NOXRED1: variants seen among roughly 807,000 people sequenced by gnomAD.
NOXRED1 encodes NADP-dependent oxidoreductase domain-containing protein 1.
In NOXRED1, 20 loss-of-function variants were observed where a neutral mutation model predicts 30.4. The observed-to-expected ratio is 0.66, with a 90% CI of 0.46 to 0.96. The LOEUF (loss-of-function observed/expected upper bound fraction) is 0.96, where lower values mean the gene tolerates loss of function less well. Ranked by LOEUF, NOXRED1 falls within the 40% of genes least tolerant of loss-of-function variation. The probability of loss-of-function intolerance (pLI) is 0.00; values close to 1 mark genes in which losing one functional copy is unlikely to be tolerated. For missense variants in NOXRED1, 374 were observed against 428.0 expected, an observed-to-expected ratio of 0.87 and a Z score of 1.11; for synonymous variants, 155 against 168.0, an observed-to-expected ratio of 0.92 and a Z score of 0.60.
Position 77,422,878 on chromosome 14 carries a change from G to C in NOXRED1, c.12C>G (p.Leu4=). 2 of 1,611,500 alleles carry C rather than the reference G, an allele frequency of 1.2e-6. No homozygotes were observed. Among genetic ancestry groups the C allele is most frequent in the Non-Finnish European group, 1.7e-6 (2 of 1,179,178 alleles). MDM[L]QDLESLQFEY... is the part of the protein sequence containing the mutation. The stretch of plus-strand genomic sequence containing the variant: ...CAAACTGCAGGGACTCAAGGTCCTG[G>C]AGCATGTCCATTTCCAAGCCACTAT... Residue 4 remains leucine, a synonymous_variant, in exon 1 of 6, where the codon CTC becomes CTG. Transcript: ENST00000380835.
upstream of NOXRED1, among the ~76,000 whole-genome samples, chr14:77,425,840 T>TG (rs1895108578): frequency 6.6e-6 from 1 of 152,008 alleles, no homozygotes; most frequent in Non-Finnish European, 1.5e-5. Context: ...GAGAGCCATA[T>TG]TGCCTTAAGG....
At chr14:77,419,418 G>T (rs557298664) in intron 1 of NOXRED1, among the ~76,000 whole-genome samples, 1 of 144,560 alleles carries the variant, frequency 6.9e-6, no homozygotes, top group Non-Finnish European at 1.5e-5. Context: ...TAGTATTCTT[G>T]GTTGACAGGT....
chr14:77,419,835 C>T (rs1342995636), intron 1 of NOXRED1, among the ~76,000 whole-genome samples: 3 of 152,116 alleles, frequency 2.0e-5, no homozygotes, highest in African/African-American at 7.2e-5. Context: ...TGAGAAGCCA[C>T]CAATAGTCTT....
At chr14:77,403,677 CA>C (rs573066129) in intron 5 of NOXRED1, among the ~76,000 whole-genome samples, 2 of 151,784 alleles carry the variant, frequency 1.3e-5, no homozygotes, top group Non-Finnish European at 2.9e-5. Flanking sequence ...AAAATAAAAA[CA>C]AAAAAGTTAA....
At chr14:77,422,453 CATG>C (rs1895021106) in intron 1 of NOXRED1, among the ~76,000 whole-genome samples, 1 of 152,124 alleles carries the variant, frequency 6.6e-6, no homozygotes, top group Admixed American at 6.5e-5. Flanking sequence ...AGCTGGTGGT[CATG>C]ATGACTGAGT....
At position 77,405,968 on chromosome 14, in the gene NOXRED1, A is replaced by G; in HGVS notation, c.850T>C (p.Leu284=). 6.2e-7 allele frequency: 1 copy of G among 1,613,826 alleles called. No individual in the cohort carries two copies. Among genetic ancestry groups the G allele is most frequent in the Non-Finnish European group, 8.5e-7 (1 of 1,179,878 alleles). The change falls in exon 5 of 6, where the codon TTG becomes CTG. Residue 284 remains leucine, a synonymous_variant. Coordinates refer to ENST00000380835, the MANE Select transcript of NOXRED1 (RefSeq NM_001113475.3). ...TTGCTGACAAAATCTGTTAATTGCAACTTTGGGCAAGATGCTGTGTCTTTC... is the reference window on the plus strand; with the variant it reads ...TTGCTGACAAAATCTGTTAATTGCAGCTTTGGGCAAGATGCTGTGTCTTTC... The part of the protein sequence containing the change: ...CGKDTASCPK[L]QLTDFVSKAY...
intron 1 of NOXRED1, among the ~76,000 whole-genome samples, chr14:77,414,602 G>A (rs1216706158): frequency 2.0e-5 from 3 of 152,156 alleles, no homozygotes; most frequent in Non-Finnish European, 4.4e-5. Flanking sequence ...CCTCACTAGG[G>A]AATGAAATGT....
chr14:77,425,763 G>A (rs1047232224), upstream of NOXRED1, among the ~76,000 whole-genome samples: 17 of 152,240 alleles, frequency 1.1e-4, no homozygotes, highest in African/African-American at 4.1e-4. Context: ...AGCACGCCTA[G>A]TGTGGCAACA....
chr14:77,415,631 T>TAGATAGACAGACAGAC (rs1555363632), intron 1 of NOXRED1, among the ~76,000 whole-genome samples: 49 of 141,392 alleles, frequency 3.5e-4, no homozygotes, highest in South Asian at 1.9e-3. Flanking sequence ...GATAGATAGA[T>TAGATAGACAGACAGAC]AGACAGACAG....
At chr14:77,408,854 AAC>A (rs1181963440) in intron 2 of NOXRED1, among the ~76,000 whole-genome samples, 4 of 147,484 alleles carry the variant, frequency 2.7e-5, no homozygotes, top group Admixed American at 6.9e-5. Context: ...AAAGACTGAT[AAC>A]TCATGTAGTT....
chr14:77,412,107 A>AT (rs1164654676), intron 2 of NOXRED1, among the ~76,000 whole-genome samples: 25 of 150,664 alleles, frequency 1.7e-4, no homozygotes, highest in African/African-American at 6.1e-4. Flanking sequence ...AGTCTAAAAA[A>AT]AAAAAAAAAA....
intron 5 of NOXRED1, among the ~76,000 whole-genome samples, chr14:77,399,661 A>G (rs1339424154): frequency 6.6e-6 from 1 of 152,196 alleles, no homozygotes; most frequent in East Asian, 1.9e-4. Context: ...GGATATCTCA[A>G]CAGAAACCTC....
intron 4 of NOXRED1, chr14:77,406,442 G>A: frequency 3.4e-6 from 2 of 595,452 alleles, no homozygotes; most frequent in Admixed American, 3.0e-5. Context: ...TACAAGATTA[G>A]AACAGGGAAA....
upstream of NOXRED1, among the ~76,000 whole-genome samples, chr14:77,425,769 C>A (rs578096746): frequency 5.3e-5 from 8 of 152,372 alleles, 1 homozygote; most frequent in South Asian, 1.7e-3. Context: ...CCTAGTGTGG[C>A]AACAGAAAGC....
At chr14:77,406,243 A>G (rs1594872247) in intron 4 of NOXRED1, 108 bp from the exon 5 acceptor site, 2 of 704,732 alleles carry the variant, frequency 2.8e-6, no homozygotes, top group Non-Finnish European at 2.4e-6. Context: ...TCCAAGACAG[A>G]TTGGTAATAT....
intron 5 of NOXRED1, among the ~76,000 whole-genome samples, chr14:77,397,919 G>A (rs1894230378): frequency 6.6e-6 from 1 of 151,458 alleles, no homozygotes. Flanking sequence ...TCCAGTTTCT[G>A]GTCTGACATG....
intron 5 of NOXRED1, among the ~76,000 whole-genome samples, chr14:77,399,095 T>C (rs1360711342): frequency 6.6e-6 from 1 of 151,714 alleles, no homozygotes; most frequent in Non-Finnish European, 1.5e-5. Context: ...AACCCACAAT[T>C]TGAAAAGGTA....
chr14:77,398,844 C>T (rs565512819), intron 5 of NOXRED1, among the ~76,000 whole-genome samples: 2 of 152,188 alleles, frequency 1.3e-5, no homozygotes, highest in African/African-American at 4.8e-5. Flanking sequence ...TGGCGGGCAC[C>T]TGTAATCCCA....
rs1203817814 is a variant in NOXRED1 at position 77,394,659 on chromosome 14, A to C, written c.1052T>G (p.Val351Gly). 6.2e-7 allele frequency: 1 copy of C among 1,612,624 alleles called. No individual in the cohort carries two copies. The highest frequency in any genetic ancestry group is 8.5e-7 in the Non-Finnish European group (1 of 1,179,348). ...TTGGGATGGAAAGCCTGTGGAAATG[A>C]CTGGCTGTTCTTTGGTTAGGGAGAT... ...FGISLTKEQP[V>G]ISTGFPSQ Residue 351 changes from valine to glycine, a missense_variant, in exon 6 of 6, where the codon GTC becomes GGC. Val to Gly is a moderately radical substitution (Grantham distance 109). Coordinates refer to ENST00000380835, the MANE Select transcript of NOXRED1 (RefSeq NM_001113475.3).
Sources: allele counts gnomAD v4.1 joint callset (sites outside exome capture counted in the v4.1 genomes callset), GRCh38; gene constraint gnomAD v4.1.1; transcripts MANE v1.5; gene names NCBI Gene and HGNC (gene_info 2026-07-23, HGNC 2026-07-21).